Variants in PCSK1 observed in about 807,000 individuals in gnomAD.
PCSK1 encodes the protein proprotein convertase subtilisin/kexin type 1, also known as neuroendocrine convertase 1.
In PCSK1, 56 loss-of-function variants were observed where a neutral mutation model predicts 90.6. That is an observed-to-expected ratio of 0.62 (90% CI 0.50 to 0.77). PCSK1 has a LOEUF of 0.77. Ranked by LOEUF, PCSK1 falls within the 30% of genes least tolerant of loss-of-function variation. The probability of loss-of-function intolerance (pLI) is 0.00; values close to 1 mark genes in which losing one functional copy is unlikely to be tolerated. For synonymous variants in PCSK1, 348 were observed against 342.4 expected, an observed-to-expected ratio of 1.02 and a Z score of -0.18; for missense variants, 801 against 932.6, an observed-to-expected ratio of 0.86 and a Z score of 1.84.
intron 12 of PCSK1, 46 bp from the exon 13 acceptor site, chr5:96,395,071 T>C: frequency 7.2e-7 from 1 of 1,389,576 alleles, no homozygotes; most frequent in Non-Finnish European, 1.0e-6. Context: ...TTAGATAATA[T>C]AAAACAAACT....
chr5:96,420,246 C>T (rs1367795682), intron 5 of PCSK1, among the ~76,000 whole-genome samples: 1 of 152,192 alleles, frequency 6.6e-6, no homozygotes, highest in Non-Finnish European at 1.5e-5. Flanking sequence ...TAAGTGATTT[C>T]TCCAAGGTCA....
rs1290858547 is a variant in PCSK1 at position 96,424,868 on chromosome 5, C to A, written c.396+952G>T. Reference sequence around the variant, plus strand: ...ATCCAAGCTACTCCAGAGGCTGAGGCAGGAGAATCGCTTGAAGCCAGGAGA... The same window carrying A: ...ATCCAAGCTACTCCAGAGGCTGAGGAAGGAGAATCGCTTGAAGCCAGGAGA... On this transcript the variant is annotated intron_variant, in intron 3 of 13. Transcript: ENST00000311106. Among the ~76,000 whole-genome samples, 4 of 151,262 alleles carry A rather than the reference C, an allele frequency of 2.6e-5. No individual in the cohort carries two copies. The East Asian group carries it at 7.8e-4, about 29-fold the overall frequency.
At chr5:96,411,137 T>A (rs898298086) in intron 7 of PCSK1, 151 bp from the exon 8 acceptor site, 2 of 709,020 alleles carry the variant, frequency 2.8e-6, no homozygotes, top group Admixed American at 4.1e-5. Context: ...GGCTTCGATA[T>A]TGGAAATCTC....
chr5:96,398,778 A>G, intron 11 of PCSK1, 101 bp downstream of exon 11: 1 of 993,570 alleles, frequency 1.0e-6, no homozygotes, highest in Non-Finnish European at 1.6e-6. Flanking sequence ...GAAAATATCT[A>G]TTAGGAGACT....
intron 6 of PCSK1, among the ~76,000 whole-genome samples, chr5:96,412,750 A>ATTTTTTTTTTTTTTT (rs1451878228): frequency 6.3e-5 from 4 of 63,410 alleles, no homozygotes; most frequent in African/African-American, 3.2e-4. Context: ...GGCAGCTGTG[A>ATTTTTTTTTTTTTTT]TGTTTTTTTT....
chr5:96,406,685 A>G (rs1760579723), intron 9 of PCSK1, among the ~76,000 whole-genome samples: 1 of 152,206 alleles, frequency 6.6e-6, no homozygotes, highest in Non-Finnish European at 1.5e-5. Flanking sequence ...AGGCCAAGAT[A>G]TTTTTCCTTT....
At position 96,429,050 on chromosome 5, in the gene PCSK1, C is replaced by G. The variant is rs140189946; in HGVS notation, c.285+163G>C. On this transcript the variant is annotated intron_variant, in intron 2 of 13. Coordinates refer to ENST00000311106, the MANE Select transcript of PCSK1 (RefSeq NM_000439.5). ...AACCCAATCTTGTTATTATTATGTG[C>G]CATTATAATTTTATGGAAAGAAATT... is the stretch of plus-strand genomic sequence containing the variant. 3.1e-3 allele frequency among the ~76,000 whole-genome samples: 472 copies of G among 151,866 alleles called. 1 individual carries two copies. The highest frequency in any genetic ancestry group is 0.011 in the African/African-American group (439 of 41,432).
At chr5:96,401,422 G>A (rs949568309) in intron 9 of PCSK1, among the ~76,000 whole-genome samples, 2 of 152,210 alleles carry the variant, frequency 1.3e-5, no homozygotes, top group Non-Finnish European at 2.9e-5. Flanking sequence ...GGGCCAGAGC[G>A]ATGAGAACCT....
At chr5:96,425,067 A>AGAAG (rs1554059801) in intron 3 of PCSK1, among the ~76,000 whole-genome samples, 1 of 146,984 alleles carries the variant, frequency 6.8e-6, no homozygotes, top group Non-Finnish European at 1.5e-5. Flanking sequence ...AAAGAAAGAA[A>AGAAG]GAAAGAAAAC....
intron 5 of PCSK1, among the ~76,000 whole-genome samples, chr5:96,417,118 T>A (rs1334537918): frequency 1.3e-5 from 2 of 152,172 alleles, no homozygotes; most frequent in Non-Finnish European, 2.9e-5. Context: ...GTTGGCCAGT[T>A]ACATTTCAAT....
At chr5:96,424,798 A>G (rs1580766716) in intron 3 of PCSK1, among the ~76,000 whole-genome samples, 2 of 152,018 alleles carry the variant, frequency 1.3e-5, no homozygotes, top group Non-Finnish European at 1.5e-5. Flanking sequence ...CCCCATCTCT[A>G]TTAAAAATAC....
At chr5:96,423,714 A>G (rs1467256994) in intron 3 of PCSK1, among the ~76,000 whole-genome samples, 1 of 152,188 alleles carries the variant, frequency 6.6e-6, no homozygotes, top group Non-Finnish European at 1.5e-5. Context: ...CTTCTCTTTG[A>G]ACTACATGGC....
intron 12 of PCSK1, 142 bp downstream of exon 12, chr5:96,397,194 G>T: frequency 1.3e-6 from 1 of 749,690 alleles, no homozygotes. Flanking sequence ...GTCAGGGCTT[G>T]AAACACTCTA....
In PCSK1 at chr5:96,394,861, G is replaced by C. The variant is rs146434295; in HGVS notation, c.1884+3C>G. On this transcript the variant is annotated splice_donor_region_variant and intron_variant, in intron 13 of 13. Coordinates refer to ENST00000311106, the MANE Select transcript of PCSK1 (RefSeq NM_000439.5). The stretch of plus-strand genomic sequence containing the variant: ...AGCATGCCAAGAACAGAGCCACACA[G>C]ACCTCCCCTGGATCCACCATCTTCT... 6.2e-7 allele frequency: 1 copy of C among 1,613,878 alleles called. No homozygotes were observed. The highest frequency in any genetic ancestry group is 2.2e-5 in the East Asian group (1 of 44,860).
intron 9 of PCSK1, among the ~76,000 whole-genome samples, chr5:96,403,313 G>A (rs1017307306): frequency 2.6e-5 from 4 of 151,966 alleles, no homozygotes; most frequent in African/African-American, 4.8e-5. Flanking sequence ...TGTGCACAAC[G>A]TGCAGTTTTG....
intron 3 of PCSK1, among the ~76,000 whole-genome samples, chr5:96,424,760 C>T (rs1043712625): frequency 1.3e-5 from 2 of 151,894 alleles, no homozygotes; most frequent in Non-Finnish European, 2.9e-5. Context: ...GTCAGGAGTT[C>T]GAGACCAGAC....
chr5:96,415,267 G>A (rs561448015), intron 6 of PCSK1, among the ~76,000 whole-genome samples: 19 of 152,298 alleles, frequency 1.2e-4, no homozygotes, highest in African/African-American at 4.1e-4. Flanking sequence ...ATCAAGAGGA[G>A]AATGAGGTGC....
At chr5:96,412,276 G>A (rs1043116243) in intron 7 of PCSK1, 42 bp downstream of exon 7, 7 of 1,497,536 alleles carry the variant, frequency 4.7e-6, no homozygotes, top group Non-Finnish European at 6.5e-6. Context: ...ATATCCAGAT[G>A]GTCAGGTTTC....
At chr5:96,422,883 G>C (rs1218100989) in intron 4 of PCSK1, among the ~76,000 whole-genome samples, 2 of 148,914 alleles carry the variant, frequency 1.3e-5, no homozygotes, top group Non-Finnish European at 2.9e-5. Context: ...ATTCACTTTG[G>C]ATTTGCATGG....
Sources: allele counts gnomAD v4.1 joint callset (sites outside exome capture counted in the v4.1 genomes callset), GRCh38; gene constraint gnomAD v4.1.1; transcripts MANE v1.5; gene names NCBI Gene and HGNC (gene_info 2026-07-23, HGNC 2026-07-21).